DOCK9: variants seen among roughly 807,000 people sequenced by gnomAD.
DOCK9 encodes dedicator of cytokinesis 9.
In DOCK9, 89 loss-of-function variants were observed where a neutral mutation model predicts 263.3. The observed-to-expected ratio is 0.34, with a 90% CI of 0.28 to 0.40. The LOEUF (loss-of-function observed/expected upper bound fraction) is 0.40, where lower values mean the gene tolerates loss of function less well. DOCK9 is among the 10% of genes least tolerant of loss of function. The probability of loss-of-function intolerance (pLI) is 1.00; values close to 1 mark genes in which losing one functional copy is unlikely to be tolerated. For missense variants in DOCK9, 2,140 were observed against 2,603.4 expected (o/e 0.82, Z 3.87); for synonymous variants, 976 against 973.1 (o/e 1.00, Z -0.06).
intron 43 of DOCK9, among the ~76,000 whole-genome samples, chr13:98,828,973 A>G (rs1382180699): frequency 6.6e-6 from 1 of 152,224 alleles, no homozygotes; most frequent in Non-Finnish European, 1.5e-5. Context: ...ACCTTAAATA[A>G]CAGGAGGAAT....
chr13:99,075,916 AG>A (rs891674675), intron 1 of DOCK9, among the ~76,000 whole-genome samples: 4 of 152,062 alleles, frequency 2.6e-5, no homozygotes, highest in South Asian at 2.1e-4. Context: ...CATTCAATAG[AG>A]GGGGGAAGTC....
At chr13:98,898,049 T>C in intron 14 of DOCK9, 130 bp downstream of exon 14, 2 of 678,240 alleles carry the variant, frequency 2.9e-6, no homozygotes, top group Non-Finnish European at 5.0e-6. Context: ...TTTCAAAATC[T>C]GGGCTTATGT....
rs1023337369 is a variant in DOCK9, at chr13:98,977,886, TGTCCTGCATTTATC to T, written c.10_23del (p.Asp4LysfsTer2). On this transcript the variant is annotated frameshift_variant, in exon 1 of 53. Coordinates refer to ENST00000682017, the MANE Select transcript of DOCK9 (RefSeq NM_001366683.2). LOFTEE classifies it high-confidence loss of function. ...GTTCCTTTTTGACACTTCTACTACT[TGTCCTGCATTTATC>T]AGCCTGCATTCTCGGCTGAAAACGC... 2.5e-6 allele frequency: 4 copies of T among 1,597,108 alleles called. No homozygotes were observed. Among genetic ancestry groups the T allele is most frequent in the African/African-American group, 1.3e-5 (1 of 74,664 alleles).
At chr13:98,975,472 TACACACACAC>T (rs146581245) in intron 1 of DOCK9, among the ~76,000 whole-genome samples, 15,403 of 142,454 alleles carry the variant, frequency 0.11, 882 homozygotes, top group Admixed American at 0.19. Context: ...TCTAAACACA[TACACACACAC>T]ACACACACAC....
intron 39 of DOCK9, chr13:98,833,187 A>C (rs2140998016): frequency 7.0e-6 from 1 of 142,558 alleles, no homozygotes; most frequent in East Asian, 2.0e-4. Flanking sequence ...GTTCTCAACC[A>C]TGATCTAATT....
rs1431187240 is a variant in DOCK9, at chr13:98,831,378, T to C, written c.4605A>G (p.Gly1535=). The C allele has an allele frequency of 4.4e-6, 7 of 1,605,050 alleles. No homozygotes were observed. Among genetic ancestry groups the C allele is most frequent in the Non-Finnish European group, 6.0e-6 (7 of 1,175,570 alleles). ...FLMRNNFDYT[G]KKSFVRTHLQ... ...AATGTGTCCGGACAAAGGACTTCTT[T>C]CCAGTGTAATCAAAGTTGTTCCTCA... Residue 1535 remains glycine, a synonymous_variant, in exon 41 of 53, where the codon GGA becomes GGG. Transcript: ENST00000682017.
At chr13:98,826,721 A>G (rs2092556245) in intron 44 of DOCK9, 109 bp downstream of exon 44, 6 of 881,684 alleles carry the variant, frequency 6.8e-6, no homozygotes, top group Admixed American at 2.5e-5. Flanking sequence ...TACACTTCAC[A>G]AACACACAAA....
At chr13:98,998,417 G>A (rs564709978) in intron 1 of DOCK9, among the ~76,000 whole-genome samples, 2 of 152,300 alleles carry the variant, frequency 1.3e-5, no homozygotes, top group South Asian at 4.1e-4. Flanking sequence ...TATGTGTGGA[G>A]CACTCGAAAA....
intron 1 of DOCK9, among the ~76,000 whole-genome samples, chr13:99,077,490 C>G (rs2041956367): frequency 6.6e-6 from 1 of 152,214 alleles, no homozygotes; most frequent in Admixed American, 6.5e-5. Context: ...TCTCCAGAAG[C>G]AGAAACCTGT....
chr13:99,031,507 C>G (rs1029928007), intron 1 of DOCK9, among the ~76,000 whole-genome samples: 2 of 152,214 alleles, frequency 1.3e-5, no homozygotes, highest in African/African-American at 4.8e-5. Context: ...ACATAAGATT[C>G]TGAGGAACAT....
intron 35 of DOCK9, among the ~76,000 whole-genome samples, chr13:98,851,367 A>G (rs1316747837): frequency 6.6e-6 from 1 of 152,158 alleles, no homozygotes; most frequent in African/African-American, 2.4e-5. Flanking sequence ...TAGATTCCAG[A>G]GGAACAGACT....
At position 98,794,666 on chromosome 13, in the gene DOCK9, G is replaced by A. The variant is rs780877117; in HGVS notation, c.6239C>T (p.Thr2080Ile). Residue 2080 changes from threonine to isoleucine, a missense_variant, in exon 53 of 53, where the codon ACA (threonine) becomes ATA (isoleucine). By Grantham distance (89) the Thr-to-Ile change is moderately conservative (BLOSUM62 -1). Around this residue, in one of 2 missense-constraint regions of DOCK9, gnomAD observed 619 missense variants for 861.8 expected, o/e 0.72. Transcript: ENST00000682017. ...FNAISGTPTS[T>I]MVHGMTSSSS... ...CGAGCTGGTCATCCCGTGAACCATT[G>A]TGCTTGTTGGAGTCCCACTGATGGC... The A allele has an allele frequency of 4.8e-5, 77 of 1,613,340 alleles. No individual in the cohort carries two copies. Among genetic ancestry groups the A allele is most frequent in the Non-Finnish European group, 6.4e-5 (76 of 1,179,706 alleles).
chr13:99,022,940 C>A (rs1886296438), intron 1 of DOCK9, among the ~76,000 whole-genome samples: 2 of 152,126 alleles, frequency 1.3e-5, no homozygotes, highest in African/African-American at 4.8e-5. Context: ...TAGAGACAGA[C>A]CCTGTCTCTA....
chr13:98,858,754 C>T (rs548966952), intron 33 of DOCK9: 2 of 152,316 alleles, frequency 1.3e-5, no homozygotes, highest in South Asian at 4.1e-4. Flanking sequence ...GTACTTTTCA[C>T]AGCTGCAATG....
At chr13:98,872,769 A>C (rs1323694549) in intron 27 of DOCK9, among the ~76,000 whole-genome samples, 1 of 152,114 alleles carries the variant, frequency 6.6e-6, no homozygotes, top group Non-Finnish European at 1.5e-5. Flanking sequence ...TTCTCTCTAT[A>C]ATCTGCATGT....
Position 98,807,368 on chromosome 13 carries a change from C to T in DOCK9, c.5514+293G>A, listed in dbSNP as rs549822235. On this transcript the variant is annotated intron_variant, in intron 48 of 52. Transcript: ENST00000682017. ...AGAGGTGCAGTGAGTAGCGAAGCCA[C>T]GGGCCTCATTCTGTCAGAGTTTCTA... 2.5e-4 allele frequency among the ~76,000 whole-genome samples: 38 copies of T among 152,288 alleles called. No individual in the cohort carries two copies. In the South Asian group the frequency reaches 7.3e-3, roughly 29 times the overall value.
chr13:98,950,756 A>C (rs545837740), intron 2 of DOCK9, among the ~76,000 whole-genome samples: 20 of 152,216 alleles, frequency 1.3e-4, no homozygotes, highest in Non-Finnish European at 2.6e-4. Flanking sequence ...GTCACTTTAC[A>C]TAGTCGCACA....
intron 1 of DOCK9, among the ~76,000 whole-genome samples, chr13:98,958,707 T>G (rs2058337511): frequency 6.6e-6 from 1 of 152,234 alleles, no homozygotes; most frequent in Non-Finnish European, 1.5e-5. Flanking sequence ...TTAATCCCCT[T>G]TCACCAATTT....
intron 1 of DOCK9, among the ~76,000 whole-genome samples, chr13:99,045,995 G>T (rs1888966473): frequency 6.6e-6 from 1 of 151,762 alleles, no homozygotes; most frequent in East Asian, 1.9e-4. Context: ...CAGCTACTCA[G>T]GAGACTGAGG....
Sources: gnomAD v4.1 joint callset for allele counts (sites outside exome capture counted in the v4.1 genomes callset) on GRCh38, gnomAD v4.1.1 for gene constraint, gnomAD v4.1.1 regional missense constraint, MANE v1.5 for transcripts, NCBI Gene and HGNC (gene_info 2026-07-23, HGNC 2026-07-21) for gene names.